Variants in EPHA3 observed in about 807,000 individuals in gnomAD.
EPHA3 encodes EPH receptor A3, also known as ephrin type-A receptor 3.
In EPHA3, 42 loss-of-function variants were observed where a neutral mutation model predicts 107.1. The ratio of observed to expected loss-of-function variants is 0.39; its 90% CI spans 0.31 to 0.51. The LOEUF (loss-of-function observed/expected upper bound fraction) is 0.51. Ranked by LOEUF, EPHA3 falls within the 20% of genes least tolerant of loss-of-function variation. The pLI is 0.78. For missense variants in EPHA3, 1,183 were observed against 1,211.2 expected (o/e 0.98, Z 0.35); for synonymous variants, 461 against 424.8 (o/e 1.09, Z -1.05).
intron 1 of EPHA3, among the ~76,000 whole-genome samples, chr3:89,119,451 G>T (rs1707330447): frequency 6.6e-6 from 1 of 152,084 alleles, no homozygotes; most frequent in Non-Finnish European, 1.5e-5. Flanking sequence ...CAAAGGAAAA[G>T]ACTAGTGTTT....
chr3:89,116,304 A>C (rs1477296475), intron 1 of EPHA3, among the ~76,000 whole-genome samples: 6 of 152,212 alleles, frequency 3.9e-5, no homozygotes, highest in Non-Finnish European at 8.8e-5. Context: ...ATAAAAATGA[A>C]GTGTGAATTA....
At chr3:89,134,224 TA>T (rs200749972) in intron 2 of EPHA3, among the ~76,000 whole-genome samples, 13 of 149,670 alleles carry the variant, frequency 8.7e-5, no homozygotes, top group Non-Finnish European at 8.9e-5. Context: ...TTTTTTTTTT[TA>T]AAAAAATTAT....
At chr3:89,242,346 G>T (rs1170719172) in intron 3 of EPHA3, among the ~76,000 whole-genome samples, 2 of 152,190 alleles carry the variant, frequency 1.3e-5, no homozygotes, top group Non-Finnish European at 2.9e-5. Context: ...TAGAATGACT[G>T]TAAGTTTCAG....
intron 3 of EPHA3, among the ~76,000 whole-genome samples, chr3:89,306,866 T>G (rs1274070602): frequency 6.6e-6 from 1 of 152,196 alleles, no homozygotes; most frequent in South Asian, 2.1e-4. Context: ...TCGAATTGGA[T>G]ATAATTCTTT....
At chr3:89,146,460 A>G (rs1346294819) in intron 2 of EPHA3, among the ~76,000 whole-genome samples, 1 of 151,974 alleles carries the variant, frequency 6.6e-6, no homozygotes, top group Non-Finnish European at 1.5e-5. Flanking sequence ...GTGTCTGTTC[A>G]TATCCTTTGC....
At chr3:89,273,486 T>C (rs1705729419) in intron 3 of EPHA3, among the ~76,000 whole-genome samples, 1 of 151,928 alleles carries the variant, frequency 6.6e-6, no homozygotes, top group African/African-American at 2.4e-5. Flanking sequence ...TTTTAATAAA[T>C]ATAATTGATG....
At chr3:89,190,738 A>G (rs1705693767) in intron 2 of EPHA3, among the ~76,000 whole-genome samples, 1 of 152,202 alleles carries the variant, frequency 6.6e-6, no homozygotes, top group African/African-American at 2.4e-5. Flanking sequence ...CCTTTGAGAT[A>G]CCACAGTTGA....
At chr3:89,419,135 A>G in intron 10 of EPHA3, 70 bp from the exon 11 acceptor site, 1 of 1,417,736 alleles carries the variant, frequency 7.1e-7, no homozygotes, top group East Asian at 2.3e-5. Flanking sequence ...GAAATAAAAC[A>G]GTTGCTCTCT....
intron 5 of EPHA3, among the ~76,000 whole-genome samples, chr3:89,370,354 T>G (rs796405277): frequency 0.015 from 2,267 of 151,556 alleles, 40 homozygotes; most frequent in African/African-American, 0.052. Flanking sequence ...CATGTCCTTT[T>G]TAGGGACATG....
chr3:89,353,940 A>T (rs1707890110), intron 5 of EPHA3, among the ~76,000 whole-genome samples: 1 of 151,272 alleles, frequency 6.6e-6, no homozygotes, highest in African/African-American at 2.4e-5. Context: ...GAAGGGTATG[A>T]TTACAACTTT....
intron 15 of EPHA3, among the ~76,000 whole-genome samples, chr3:89,458,000 G>C (rs1159736558): frequency 2.0e-5 from 3 of 152,154 alleles, no homozygotes; most frequent in Non-Finnish European, 4.4e-5. Context: ...CTCATTGACA[G>C]TGGTAGGAAG....
intron 13 of EPHA3, among the ~76,000 whole-genome samples, chr3:89,431,577 G>A (rs1401826611): frequency 1.3e-5 from 2 of 152,030 alleles, no homozygotes; most frequent in Admixed American, 6.6e-5. Context: ...CTATACCTCA[G>A]TTTAATGTTC....
At chr3:89,252,646 C>T (rs1333500189) in intron 3 of EPHA3, among the ~76,000 whole-genome samples, 1 of 151,904 alleles carries the variant, frequency 6.6e-6, no homozygotes, top group Non-Finnish European at 1.5e-5. Flanking sequence ...GGGAGGATCT[C>T]TTGAGCCCAG....
rs2107420709 is a variant in EPHA3, at chr3:89,341,972, G to A, written c.1188G>A (p.Val396=). The A allele has an allele frequency of 6.2e-7, 1 of 1,613,248 alleles. No homozygotes were observed. The highest frequency in any genetic ancestry group is 1.1e-5 in the South Asian group (1 of 90,952). The part of the protein sequence containing the change: ...QFGLTNTTVT[V]TDLLAHTNYT... ...GACTCACCAACACCACGGTGACAGT[G>A]ACAGACCTTCTGGCACATACTAACT... Residue 396 remains valine, a synonymous_variant, in exon 5 of 17, where the codon GTG becomes GTA. Coordinates refer to ENST00000336596, the MANE Select transcript of EPHA3 (RefSeq NM_005233.6).
intron 3 of EPHA3, among the ~76,000 whole-genome samples, chr3:89,277,476 C>T (rs560541769): frequency 8.0e-4 from 122 of 152,166 alleles, no homozygotes; most frequent in African/African-American, 2.8e-3. Flanking sequence ...GATAAATCTT[C>T]TCCACAAAAC....
chr3:89,425,539 C>A (rs1195488018), intron 11 of EPHA3, among the ~76,000 whole-genome samples: 1 of 150,742 alleles, frequency 6.6e-6, no homozygotes, highest in Non-Finnish European at 1.5e-5. Flanking sequence ...GAGTGTTAGA[C>A]CCAATGACTG....
At chr3:89,108,320 G>T (rs1374993354) in intron 1 of EPHA3, among the ~76,000 whole-genome samples, 1 of 152,182 alleles carries the variant, frequency 6.6e-6, no homozygotes, top group Non-Finnish European at 1.5e-5. Flanking sequence ...GGAAATCAGA[G>T]TTTGTCGAAG....
intron 1 of EPHA3, among the ~76,000 whole-genome samples, chr3:89,113,385 G>T (rs559076583): frequency 8.1e-5 from 12 of 147,618 alleles, no homozygotes; most frequent in Non-Finnish European, 1.8e-4. Context: ...GTTCCCAGCT[G>T]CTTGGTATCA....
Position 89,313,761 on chromosome 3 carries a change from G to T in EPHA3, c.815-27155G>T, listed in dbSNP as rs1706825824. Among the ~76,000 whole-genome samples the T allele has an allele frequency of 2.0e-5, 3 of 151,742 alleles. No homozygotes were observed. In the South Asian group the frequency reaches 6.2e-4, roughly 31 times the overall value. ...TTGAAAAGAGATATATTAGTGAATG[G>T]TAACAAAAAGTGAATAAAAGCAAAA... On this transcript the variant is annotated intron_variant, in intron 3 of 16. Coordinates refer to ENST00000336596, the MANE Select transcript of EPHA3 (RefSeq NM_005233.6).
Sources: allele counts gnomAD v4.1 joint callset (sites outside exome capture counted in the v4.1 genomes callset), GRCh38; gene constraint gnomAD v4.1.1; transcripts MANE v1.5; gene names NCBI Gene and HGNC (gene_info 2026-07-23, HGNC 2026-07-21).